The following CACHD1 variants were observed in gnomAD, a reference collection of about 807,000 sequenced individuals.
CACHD1 encodes cache domain containing 1, also known as VWFA and cache domain-containing protein 1.
In CACHD1, 71 loss-of-function variants were observed where a neutral mutation model predicts 138.7. The observed-to-expected ratio is 0.51, with a 90% CI of 0.42 to 0.62. CACHD1 has a LOEUF of 0.62. CACHD1 is among the 20% of genes least tolerant of loss of function. The pLI, the probability that CACHD1 is intolerant of heterozygous loss-of-function variation, is 0.00. For missense variants in CACHD1, 1,389 were observed against 1,625.3 expected (o/e 0.85, Z 2.50); for synonymous variants, 578 against 591.5 (o/e 0.98, Z 0.33).
chr1:64,593,245 T>G (rs1330983509), intron 3 of CACHD1, among the ~76,000 whole-genome samples: 1 of 152,170 alleles, frequency 6.6e-6, no homozygotes, highest in Non-Finnish European at 1.5e-5. Context: ...AAGGTGAAAT[T>G]TGAGATGTCT....
chr1:64,642,704 C>A (rs1648758842), intron 8 of CACHD1, among the ~76,000 whole-genome samples: 1 of 151,834 alleles, frequency 6.6e-6, no homozygotes, highest in South Asian at 2.1e-4. Context: ...CATCTTTAGG[C>A]CCATTGCCCT....
chr1:64,496,664 A>G (rs1191675830), intron 1 of CACHD1, among the ~76,000 whole-genome samples: 3 of 152,122 alleles, frequency 2.0e-5, no homozygotes, highest in South Asian at 2.1e-4. Flanking sequence ...GAGACGGTGC[A>G]CTGGGAATTG....
At chr1:64,659,400 T>C (rs955654783) in intron 13 of CACHD1, among the ~76,000 whole-genome samples, 7 of 152,010 alleles carry the variant, frequency 4.6e-5, no homozygotes, top group Non-Finnish European at 2.9e-5. Context: ...TGGGGTGGGG[T>C]AGAATAACAG....
intron 25 of CACHD1, among the ~76,000 whole-genome samples, chr1:64,681,553 T>G (rs866707707): frequency 2.1e-5 from 3 of 146,166 alleles, no homozygotes; most frequent in Non-Finnish European, 3.0e-5. Context: ...TTTTTTTTTT[T>G]TTTTTTTTTT....
chr1:64,541,786 C>A (rs1331191524), intron 1 of CACHD1, among the ~76,000 whole-genome samples: 1 of 152,162 alleles, frequency 6.6e-6, no homozygotes, highest in African/African-American at 2.4e-5. Context: ...GAGATGTGAT[C>A]ATGCCACTGC....
chr1:64,547,498 C>T (rs745566326), intron 1 of CACHD1, among the ~76,000 whole-genome samples: 7 of 151,994 alleles, frequency 4.6e-5, no homozygotes, highest in South Asian at 2.1e-4. Context: ...CCCAAGTAGC[C>T]GGGATTACAG....
intron 2 of CACHD1, among the ~76,000 whole-genome samples, chr1:64,557,495 A>G (rs576070945): frequency 5.9e-5 from 9 of 152,266 alleles, no homozygotes; most frequent in South Asian, 2.1e-4. Context: ...GGTCAGAGAG[A>G]ACTGAGAGAA....
chr1:64,683,934 G>T (rs1650271222), intron 26 of CACHD1, among the ~76,000 whole-genome samples: 1 of 152,166 alleles, frequency 6.6e-6, no homozygotes, highest in Non-Finnish European at 1.5e-5. Flanking sequence ...TGTTTTGTTG[G>T]CACACTTCTT....
chr1:64,630,086 G>A lies in CACHD1; in HGVS notation c.644+605G>A, dbSNP rs147267696. Among the ~76,000 whole-genome samples the A allele has an allele frequency of 8.3e-4, 126 of 152,230 alleles. 1 individual carries two copies. The highest frequency in any genetic ancestry group is 2.9e-3 in the African/African-American group (121 of 41,538). On this transcript the variant is annotated intron_variant, in intron 5 of 26. Transcript: ENST00000651257. Reference sequence around the variant, plus strand: ...GACTCATTAATTATAGAACCCCCCCGAAGCAAATATACTTTCCTATTTAAT... The same window carrying A: ...GACTCATTAATTATAGAACCCCCCCAAAGCAAATATACTTTCCTATTTAAT...
At chr1:64,598,399 C>T (rs1057002741) in intron 3 of CACHD1, among the ~76,000 whole-genome samples, 1 of 152,178 alleles carries the variant, frequency 6.6e-6, no homozygotes, top group Non-Finnish European at 1.5e-5. Flanking sequence ...AGTTGAGACT[C>T]TTATGAAATA....
intron 10 of CACHD1, 49 bp from the exon 11 acceptor site, chr1:64,653,709 T>G (rs1193237505): frequency 6.3e-7 from 1 of 1,591,578 alleles, no homozygotes; most frequent in Non-Finnish European, 8.6e-7. Context: ...GATTCAGAAC[T>G]TCCTACAACA....
chr1:64,502,220 A>T (rs755677463), intron 1 of CACHD1, among the ~76,000 whole-genome samples: 11 of 152,242 alleles, frequency 7.2e-5, no homozygotes, highest in Non-Finnish European at 1.3e-4. Flanking sequence ...CTGTGAACTT[A>T]TCCTGTAATG....
intron 2 of CACHD1, among the ~76,000 whole-genome samples, chr1:64,573,140 C>A (rs1445559513): frequency 1.4e-4 from 21 of 152,144 alleles, no homozygotes; most frequent in Non-Finnish European, 4.4e-5. Flanking sequence ...AAGCCCTAAC[C>A]CCCAATGTGA....
At chr1:64,677,069 C>T in intron 22 of CACHD1, 58 bp downstream of exon 22, 1 of 1,335,228 alleles carries the variant, frequency 7.5e-7, no homozygotes. Flanking sequence ...TATTCCTACT[C>T]TTCGTGTTTT....
intron 1 of CACHD1, among the ~76,000 whole-genome samples, chr1:64,531,039 G>T (rs1051312666): frequency 6.6e-6 from 1 of 151,166 alleles, no homozygotes; most frequent in Non-Finnish European, 1.5e-5. Flanking sequence ...AACCTTATTG[G>T]CAATGAACTG....
At chr1:64,579,907 A>C (rs1408778133) in intron 2 of CACHD1, 1 of 96,106 alleles carries the variant, frequency 1.0e-5, no homozygotes, top group Non-Finnish European at 2.3e-5. Flanking sequence ...GTCTCATGAG[A>C]TAGCCAGATG....
chr1:64,672,227 G>A (rs1649840516), intron 17 of CACHD1, among the ~76,000 whole-genome samples: 1 of 152,148 alleles, frequency 6.6e-6, no homozygotes, highest in Non-Finnish European at 1.5e-5. Flanking sequence ...TCCACCTCAT[G>A]GTTCATGCTT....
chr1:64,505,457 G>C (rs75703600), intron 1 of CACHD1, among the ~76,000 whole-genome samples: 12,393 of 152,058 alleles, frequency 0.082, 1,189 homozygotes, highest in African/African-American at 0.23. Context: ...CTCGGAGAGC[G>C]GCTCAGCGAA....
intron 2 of CACHD1, among the ~76,000 whole-genome samples, chr1:64,573,322 G>A (rs1329916352): frequency 6.6e-6 from 1 of 152,170 alleles, no homozygotes; most frequent in African/African-American, 2.4e-5. Flanking sequence ...GATACCAGAA[G>A]GTTGCCATCT....
Sources: gnomAD v4.1 joint callset for allele counts (sites outside exome capture counted in the v4.1 genomes callset) on GRCh38, gnomAD v4.1.1 for gene constraint, MANE v1.5 for transcripts, NCBI Gene and HGNC (gene_info 2026-07-23, HGNC 2026-07-21) for gene names.